Variants in PTPRO observed in about 807,000 individuals in gnomAD.
The protein encoded by PTPRO is protein tyrosine phosphatase receptor type O.
A neutral mutation model predicts 145.2 loss-of-function variants in PTPRO; 62 were observed. The ratio of observed to expected loss-of-function variants is 0.43; its 90% CI spans 0.35 to 0.53. The LOEUF is 0.53. Ranked by LOEUF, PTPRO falls within the 20% of genes least tolerant of loss-of-function variation. The pLI is 0.01. For missense variants in PTPRO, 1,345 were observed against 1,482.7 expected, an observed-to-expected ratio of 0.91 and a Z score of 1.53; for synonymous variants, 565 against 514.7, an observed-to-expected ratio of 1.10 and a Z score of -1.32.
At chr12:15,503,347 T>C (rs1369488125) in intron 5 of PTPRO, among the ~76,000 whole-genome samples, 1 of 152,200 alleles carries the variant, frequency 6.6e-6, no homozygotes, top group Non-Finnish European at 1.5e-5. Flanking sequence ...GTGAAATAAT[T>C]CTTTCTTTAA....
chr12:15,335,807 T>G lies in PTPRO; in HGVS notation c.75+13006T>G, dbSNP rs556358172. On this transcript the variant is annotated intron_variant, in intron 1 of 26. Transcript: ENST00000281171. Reference sequence around the variant, plus strand: ...AACAAATAAAATACAGTTGCATCTTTAAACCCTTTTTCCATCTCTATGCTA... The same window carrying G: ...AACAAATAAAATACAGTTGCATCTTGAAACCCTTTTTCCATCTCTATGCTA... Among the ~76,000 whole-genome samples the G allele has an allele frequency of 1.3e-5, 2 of 152,278 alleles. 1 individual carries two copies. The highest frequency in any genetic ancestry group is 4.8e-5 in the African/African-American group (2 of 41,576).
intron 7 of PTPRO, among the ~76,000 whole-genome samples, chr12:15,509,962 A>G (rs2284430): frequency 0.1 from 15,249 of 152,082 alleles, 1,384 homozygotes; most frequent in African/African-American, 0.24. Context: ...ATATTTCTAA[A>G]TTCTGGCCTT....
Position 15,499,311 on chromosome 12 carries a change from A to G in PTPRO, c.509-131A>G, listed in dbSNP as rs1942170662. 5.5e-6 allele frequency: 5 copies of G among 913,336 alleles called. No individual in the cohort carries two copies. The South Asian group carries it at 7.4e-5, about 14-fold the overall frequency. The allele number at this position is 913,336 out of a possible 1,614,324, so 56.6% of individuals were successfully genotyped here. ...ATCTCTAGCCTTCTACTAACTCTTTATTACTGCCCATAACAGTAGTTGAAG... is the reference window on the plus strand; with the variant it reads ...ATCTCTAGCCTTCTACTAACTCTTTGTTACTGCCCATAACAGTAGTTGAAG... On this transcript the variant is annotated intron_variant, in intron 3 of 26. Coordinates refer to ENST00000281171, the MANE Select transcript of PTPRO (RefSeq NM_030667.3).
At chr12:15,496,552 G>T (rs144847117) in intron 2 of PTPRO, among the ~76,000 whole-genome samples, 16 of 152,194 alleles carry the variant, frequency 1.1e-4, no homozygotes, top group African/African-American at 3.9e-4. Context: ...GGAGGGGGAG[G>T]AGAGGCAGGC....
At chr12:15,539,694 G>A (rs887546058) in intron 12 of PTPRO, among the ~76,000 whole-genome samples, 4 of 146,468 alleles carry the variant, frequency 2.7e-5, no homozygotes, top group Admixed American at 7.0e-5. Context: ...CCCGGGAGGC[G>A]GAGGTCGCTG....
intron 12 of PTPRO, among the ~76,000 whole-genome samples, chr12:15,539,304 T>C (rs1433710573): frequency 2.0e-5 from 3 of 152,154 alleles, no homozygotes; most frequent in Non-Finnish European, 4.4e-5. Flanking sequence ...CCCATAAACA[T>C]ATGCAAATTT....
chr12:15,353,685 G>A (rs1320457895), intron 1 of PTPRO, among the ~76,000 whole-genome samples: 1 of 152,134 alleles, frequency 6.6e-6, no homozygotes, highest in Non-Finnish European at 1.5e-5. Flanking sequence ...CTCATAATAG[G>A]CAGATGCTAT....
chr12:15,470,170 G>A (rs920849573), intron 1 of PTPRO, among the ~76,000 whole-genome samples: 1 of 152,164 alleles, frequency 6.6e-6, no homozygotes, highest in African/African-American at 2.4e-5. Flanking sequence ...CACCAATTAA[G>A]TACAGATATG....
At chr12:15,557,332 GCTT>G (rs1943659649) in intron 15 of PTPRO, 120 bp from the exon 16 acceptor site, 1 of 953,176 alleles carries the variant, frequency 1.0e-6, no homozygotes. Flanking sequence ...ACCTGGCCTA[GCTT>G]CTTCTTTTTT....
intron 1 of PTPRO, among the ~76,000 whole-genome samples, chr12:15,379,915 T>G (rs1251145281): frequency 6.6e-6 from 1 of 152,170 alleles, no homozygotes; most frequent in African/African-American, 2.4e-5. Flanking sequence ...TTAAAGTAAT[T>G]GTGCACTTAA....
At chr12:15,444,404 A>G (rs34606101) in intron 1 of PTPRO, among the ~76,000 whole-genome samples, 2 of 152,108 alleles carry the variant, frequency 1.3e-5, no homozygotes, top group African/African-American at 4.8e-5. Flanking sequence ...TACCTAGGTA[A>G]TGGGATCATT....
At chr12:15,347,430 G>C (rs1221547168) in intron 1 of PTPRO, among the ~76,000 whole-genome samples, 4 of 152,086 alleles carry the variant, frequency 2.6e-5, no homozygotes, top group Non-Finnish European at 4.4e-5. Flanking sequence ...TAAAGAAAGA[G>C]ACTGTCTTAT....
intron 1 of PTPRO, among the ~76,000 whole-genome samples, chr12:15,404,698 C>T (rs1213440970): frequency 6.6e-6 from 1 of 152,176 alleles, no homozygotes; most frequent in African/African-American, 2.4e-5. Flanking sequence ...ACAAATGACT[C>T]ATGTTTGGTA....
intron 12 of PTPRO, among the ~76,000 whole-genome samples, chr12:15,530,979 A>T (rs191956420): frequency 1.8e-3 from 273 of 152,156 alleles, no homozygotes; most frequent in Non-Finnish European, 1.6e-3. Flanking sequence ...CTTTAACTAG[A>T]CTGAGAAAAA....
chr12:15,497,665 A>G (rs1942135690), intron 3 of PTPRO, among the ~76,000 whole-genome samples: 2 of 152,240 alleles, frequency 1.3e-5, no homozygotes, highest in South Asian at 4.1e-4. Context: ...ACTCTTCCCT[A>G]AGGCAGCATG....
chr12:15,385,855 C>CTAGA (rs1175747143), intron 1 of PTPRO, among the ~76,000 whole-genome samples: 1 of 145,110 alleles, frequency 6.9e-6, no homozygotes, highest in Non-Finnish European at 1.5e-5. Context: ...AGGACAGATG[C>CTAGA]TAGATAGATA....
At chr12:15,542,509 AC>A (rs1285661300) in intron 12 of PTPRO, among the ~76,000 whole-genome samples, 1 of 152,044 alleles carries the variant, frequency 6.6e-6, no homozygotes, top group Non-Finnish European at 1.5e-5. Context: ...AGAAGTGGGA[AC>A]CCCCTAGCCA....
chr12:15,418,151 T>G (rs778166629), intron 1 of PTPRO, among the ~76,000 whole-genome samples: 3 of 151,822 alleles, frequency 2.0e-5, no homozygotes, highest in Non-Finnish European at 4.4e-5. Flanking sequence ...TACTCAAGCA[T>G]AGCTTGTTAC....
chr12:15,517,405 A>C (rs1471690184), intron 9 of PTPRO, among the ~76,000 whole-genome samples: 1 of 152,204 alleles, frequency 6.6e-6, no homozygotes, highest in Non-Finnish European at 1.5e-5. Flanking sequence ...GATTTGGGTG[A>C]GAACACAACC....
Sources: gnomAD v4.1 joint callset for allele counts (sites outside exome capture counted in the v4.1 genomes callset) on GRCh38, gnomAD v4.1.1 for gene constraint, MANE v1.5 for transcripts, NCBI Gene and HGNC (gene_info 2026-07-23, HGNC 2026-07-21) for gene names.